Variants in RNF170 observed in about 807,000 individuals in gnomAD.
RNF170 encodes the protein E3 ubiquitin-protein ligase RNF170.
Under a neutral mutation model 32.7 loss-of-function variants are expected in RNF170, and 12 were observed. The ratio of observed to expected loss-of-function variants is 0.37; its 90% CI spans 0.24 to 0.60. The LOEUF is 0.60. Ranked by LOEUF, RNF170 falls within the 20% of genes least tolerant of loss-of-function variation. The pLI, the probability that RNF170 is intolerant of heterozygous loss-of-function variation, is 0.72. For missense variants in RNF170, 212 were observed against 311.2 expected (o/e 0.68, Z 2.40); for synonymous variants, 91 against 103.6 (o/e 0.88, Z 0.74).
At chr8:42,858,367 C>T (rs75094255) in intron 6 of RNF170, among the ~76,000 whole-genome samples, 1 of 152,124 alleles carries the variant, frequency 6.6e-6, no homozygotes, top group Non-Finnish European at 1.5e-5. Context: ...GTCTGTTTAA[C>T]ACTGAAGCAT....
intron 5 of RNF170, among the ~76,000 whole-genome samples, chr8:42,864,176 C>T (rs1016389866): frequency 1.3e-5 from 2 of 151,756 alleles, no homozygotes; most frequent in Non-Finnish European, 2.9e-5. Flanking sequence ...TCATTGCAGC[C>T]TCAACCTCCT....
upstream of RNF170, chr8:42,897,149 G>C (rs1159819700): frequency 1.4e-5 from 18 of 1,248,182 alleles, no homozygotes; most frequent in Non-Finnish European, 1.8e-5. Context: ...GCGTAGAGTC[G>C]CTGGAGCGGG....
At chr8:42,885,338 A>C (rs930252791) in intron 2 of RNF170, among the ~76,000 whole-genome samples, 14 of 152,216 alleles carry the variant, frequency 9.2e-5, no homozygotes, top group Non-Finnish European at 1.9e-4. Flanking sequence ...TATTTCAGCT[A>C]CTGTAAATAC....
At chr8:42,862,274 T>C (rs1011339017) in intron 5 of RNF170, among the ~76,000 whole-genome samples, 1 of 152,242 alleles carries the variant, frequency 6.6e-6, no homozygotes, top group Non-Finnish European at 1.5e-5. Flanking sequence ...TTCTTACTGG[T>C]ATTTGAAAGA....
intron 2 of RNF170, 135 bp downstream of exon 2, chr8:42,887,593 T>C (rs186275155): frequency 2.4e-6 from 2 of 827,132 alleles, no homozygotes; most frequent in Middle Eastern, 2.4e-4. Flanking sequence ...CCGTGGAAAA[T>C]AAAATACCTT....
intron 1 of RNF170, among the ~76,000 whole-genome samples, chr8:42,892,448 A>T (rs1757847238): frequency 6.6e-6 from 1 of 152,192 alleles, no homozygotes. Context: ...TATAGGCGTG[A>T]GGTAGCACGC....
chr8:42,872,191 A>C (rs1005216861), intron 3 of RNF170, among the ~76,000 whole-genome samples: 1 of 152,184 alleles, frequency 6.6e-6, no homozygotes, highest in Admixed American at 6.5e-5. Context: ...ACACTGCTGC[A>C]AGGAGACCTG....
At chr8:42,895,132 T>A (rs146198928) in intron 1 of RNF170, among the ~76,000 whole-genome samples, 1 of 151,844 alleles carries the variant, frequency 6.6e-6, no homozygotes, top group East Asian at 2.0e-4. Flanking sequence ...CTGGGCAACA[T>A]AGCGAGACCC....
intron 1 of RNF170, 145 bp from the exon 2 acceptor site, chr8:42,888,016 T>C (rs1008822995): frequency 3.6e-5 from 26 of 717,556 alleles, no homozygotes; most frequent in African/African-American, 8.9e-5. Flanking sequence ...TGGGGACTGA[T>C]GGAGTTCTTT....
At position 42,870,096 on chromosome 8, in the gene RNF170, G is replaced by C. The variant is rs1257942451; in HGVS notation, c.230C>G (p.Thr77Ser). The change falls in exon 4 of 7, where the codon ACT (threonine) becomes AGT (serine). Residue 77 changes from threonine (T) to serine (S), a missense_variant. Around this residue, in one of 2 missense-constraint regions of RNF170, gnomAD observed 115 missense variants for 132.3 expected, o/e 0.87. Transcript: ENST00000527424. Reference protein sequence around the residue: ...LQTEQDAPAATRQQFYTDMYC... With the variant: ...LQTEQDAPAASRQQFYTDMYC... Reference sequence around the variant, plus strand: ...CATGTCAGTGTAGAACTGCTGTCGAGTGGCAGCAGGTGCATCCTAATAAGA... The same window carrying C: ...CATGTCAGTGTAGAACTGCTGTCGACTGGCAGCAGGTGCATCCTAATAAGA... The C allele has an allele frequency of 2.5e-6, 4 of 1,613,380 alleles. No individual in the cohort carries two copies. Among genetic ancestry groups the C allele is most frequent in the East Asian group, 4.5e-5 (2 of 44,900 alleles).
downstream of RNF170, chr8:42,850,712 G>A: frequency 1.3e-6 from 2 of 1,531,652 alleles, no homozygotes; most frequent in South Asian, 1.2e-5. Context: ...CTGGGGTAAG[G>A]GGAGGGGAGG....
In RNF170 at chr8:42,865,496, G is replaced by GACAAA. The variant is rs771319071; in HGVS notation, c.323-12_323-8dup. On this transcript the variant is annotated splice_region_variant and splice_polypyrimidine_tract_variant and intron_variant, in intron 4 of 6. Transcript: ENST00000527424. ...TAAGCAATAATGCAGGCACCTAATA[G>GACAAA]ACAAAACAAAACAAACACATAACCC... 11 of 1,609,638 alleles carry GACAAA rather than the reference G, an allele frequency of 6.8e-6. No homozygotes were observed. The highest frequency in any genetic ancestry group is 9.4e-6 in the Non-Finnish European group (11 of 1,176,160).
chr8:42,867,853 G>C, intron 4 of RNF170, among the ~76,000 whole-genome samples: 1 of 150,610 alleles, frequency 6.6e-6, no homozygotes, highest in Admixed American at 6.6e-5. Flanking sequence ...AAACTAACTT[G>C]TAGAAAAGAA....
At chr8:42,894,784 G>C (rs1806624372) in intron 1 of RNF170, among the ~76,000 whole-genome samples, 1 of 151,938 alleles carries the variant, frequency 6.6e-6, no homozygotes, top group African/African-American at 2.4e-5. Context: ...AGGATCTCTT[G>C]ACATCGTGAT....
chr8:42,859,447 C>T lies in RNF170; in HGVS notation c.507+2298G>A, dbSNP rs369700158. Among the ~76,000 whole-genome samples, 12 of 152,054 alleles carry T rather than the reference C, an allele frequency of 7.9e-5. No individual in the cohort carries two copies. In the East Asian group the frequency reaches 2.2e-3, roughly 28 times the overall value. On this transcript the variant is annotated intron_variant, in intron 6 of 6. Transcript: ENST00000527424. ...CCCAGGAGTTCAAGGCCAGCCTGGG[C>T]AGCATGGCAAAACCCAGTCTCTATA...
At chr8:42,881,454 C>G (rs1242090369) in intron 2 of RNF170, 2 of 152,204 alleles carry the variant, frequency 1.3e-5, no homozygotes, top group Non-Finnish European at 2.9e-5. Context: ...GGTCAAAACT[C>G]TGGTGTTGCT....
At chr8:42,895,398 G>A (rs1468127059) in intron 1 of RNF170, among the ~76,000 whole-genome samples, 1 of 152,194 alleles carries the variant, frequency 6.6e-6, no homozygotes, top group East Asian at 1.9e-4. Flanking sequence ...TGGAAAAAAA[G>A]TGGGGGAAAG....
chr8:42,882,929 G>A (rs748223103), intron 2 of RNF170, among the ~76,000 whole-genome samples: 13 of 152,050 alleles, frequency 8.5e-5, no homozygotes, highest in Non-Finnish European at 1.5e-4. Context: ...TGGCCATGGC[G>A]GTGTGTGCCT....
At chr8:42,857,657 C>T (rs1173455462) in intron 6 of RNF170, among the ~76,000 whole-genome samples, 1 of 152,098 alleles carries the variant, frequency 6.6e-6, no homozygotes. Context: ...CATCACATAC[C>T]AGGCTTTCTT....
Sources: allele counts gnomAD v4.1 joint callset (sites outside exome capture counted in the v4.1 genomes callset), GRCh38; gene constraint gnomAD v4.1.1; regional missense constraint gnomAD v4.1.1; transcripts MANE v1.5; gene names NCBI Gene and HGNC (gene_info 2026-07-23, HGNC 2026-07-21).